Variants in JAM2 observed in about 807,000 individuals in gnomAD.
JAM2 encodes the protein junctional adhesion molecule B.
JAM2 carries 17 observed loss-of-function variants against 42.0 expected under a neutral mutation model. That is an observed-to-expected ratio of 0.40 (90% CI 0.28 to 0.61). The LOEUF is 0.61. Among genes scored for constraint, JAM2 ranks in the 20% least tolerant of loss-of-function variants. JAM2 has a pLI of 0.37. For synonymous variants in JAM2, 118 were observed against 128.6 expected, an observed-to-expected ratio of 0.92 and a Z score of 0.56; for missense variants, 319 against 358.3, an observed-to-expected ratio of 0.89 and a Z score of 0.89.
At chr21:25,643,303 G>A (rs2032499975) in intron 1 of JAM2, among the ~76,000 whole-genome samples, 2 of 152,300 alleles carry the variant, frequency 1.3e-5, no homozygotes, top group East Asian at 1.9e-4. Flanking sequence ...CGTGTTTGGT[G>A]GGGTGTTGTC....
chr21:25,693,987 C>T, intron 4 of JAM2, 79 bp downstream of exon 4: 1 of 1,355,266 alleles, frequency 7.4e-7, no homozygotes, highest in Non-Finnish European at 1.0e-6. Context: ...AAGCACTGGT[C>T]CATAAACATG....
chr21:25,690,211 G>A (rs532896441), intron 3 of JAM2, among the ~76,000 whole-genome samples: 41 of 152,336 alleles, frequency 2.7e-4, no homozygotes, highest in Admixed American at 1.1e-3. Flanking sequence ...CATAAAGTAT[G>A]CAAAATGCAA....
intron 1 of JAM2, among the ~76,000 whole-genome samples, chr21:25,650,842 G>A (rs1240095537): frequency 1.3e-5 from 2 of 151,952 alleles, no homozygotes; most frequent in African/African-American, 4.8e-5. Context: ...CGGAAATTAT[G>A]CCAACTTCAT....
chr21:25,651,114 G>C (rs1325863526), intron 1 of JAM2, among the ~76,000 whole-genome samples: 1 of 145,750 alleles, frequency 6.9e-6, no homozygotes, highest in East Asian at 2.0e-4. Flanking sequence ...CTGTAAACTG[G>C]ACTATAAATC....
Position 25,705,234 on chromosome 21 carries a change from C to G in JAM2, c.698-745C>G, listed in dbSNP as rs1470844656. On this transcript the variant is annotated intron_variant, in intron 6 of 9. Transcript: ENST00000480456. ...ACTTAGTTTTACAGAATAACAATGA[C>G]ATGTGCTTTTTTTTAAGAGACAGTC... Among the ~76,000 whole-genome samples, 4 of 151,924 alleles carry G rather than the reference C, an allele frequency of 2.6e-5. No homozygotes were observed. In the East Asian group the frequency reaches 5.8e-4, roughly 22 times the overall value.
chr21:25,655,647 ATTTTTTTTTT>A (rs536746237), intron 1 of JAM2, among the ~76,000 whole-genome samples: 1 of 90,784 alleles, frequency 1.1e-5, no homozygotes, highest in East Asian at 3.7e-4. Context: ...CGCCCAGCTA[ATTTTTTTTTT>A]TTTTTTTTTT....
intron 1 of JAM2, among the ~76,000 whole-genome samples, chr21:25,668,865 G>A (rs1052678524): frequency 1.6e-4 from 25 of 152,290 alleles, no homozygotes; most frequent in African/African-American, 4.6e-4. Context: ...TGTCCTGGAC[G>A]TTAAGTGTAG....
chr21:25,639,921 C>G, intron 1 of JAM2, 33 bp downstream of exon 1: 1 of 1,462,950 alleles, frequency 6.8e-7, no homozygotes, highest in Non-Finnish European at 9.4e-7. Context: ...CCCTTCCTGC[C>G]TGGACCAGCC....
At chr21:25,680,137 G>T (rs1476640449) in intron 1 of JAM2, among the ~76,000 whole-genome samples, 1 of 152,142 alleles carries the variant, frequency 6.6e-6, no homozygotes, top group African/African-American at 2.4e-5. Flanking sequence ...TGTCCTCTAA[G>T]TTACTTCCTT....
chr21:25,711,625 T>C (rs1237475668), intron 8 of JAM2: 3 of 313,786 alleles, frequency 9.6e-6, no homozygotes, highest in Non-Finnish European at 1.9e-5. Flanking sequence ...TTAGCAGTAA[T>C]AAAGCCAGTG....
chr21:25,661,494 A>ATT (rs1189453261), intron 1 of JAM2, among the ~76,000 whole-genome samples: 3 of 152,170 alleles, frequency 2.0e-5, no homozygotes, highest in Non-Finnish European at 4.4e-5. Context: ...AAATAAGTGT[A>ATT]GACTTCATTG....
chr21:25,678,789 C>T lies in JAM2; in HGVS notation c.68-5094C>T, dbSNP rs192181008. Among the ~76,000 whole-genome samples, 63 of 152,248 alleles carry T rather than the reference C, an allele frequency of 4.1e-4. No individual in the cohort carries two copies. The East Asian group carries it at 9.1e-3, about 22-fold the overall frequency. On this transcript the variant is annotated intron_variant, in intron 1 of 9. Transcript: ENST00000480456. ...ATACTAGAAATCTAGTAATTTGTGT[C>T]CCACAGACTTTTGCAAATTAAAAAA...
intron 1 of JAM2, among the ~76,000 whole-genome samples, chr21:25,640,337 T>C (rs1461475493): frequency 1.3e-5 from 2 of 152,220 alleles, no homozygotes; most frequent in Non-Finnish European, 2.9e-5. Context: ...GTCTGGGCTC[T>C]GTAGCGTCCC....
intron 6 of JAM2, among the ~76,000 whole-genome samples, chr21:25,703,651 A>G (rs572109551): frequency 1.3e-5 from 2 of 152,120 alleles, no homozygotes; most frequent in Admixed American, 1.3e-4. Context: ...TTGGTTGTTT[A>G]TGGCTGCCTC....
intron 9 of JAM2, chr21:25,714,375 G>C: frequency 2.2e-6 from 1 of 453,842 alleles, no homozygotes. Flanking sequence ...ATGGTGGCAT[G>C]TGCCTGCAGT....
chr21:25,695,553 C>T (rs1309254641), intron 4 of JAM2, among the ~76,000 whole-genome samples: 1 of 146,474 alleles, frequency 6.8e-6, no homozygotes, highest in African/African-American at 2.6e-5. Flanking sequence ...ACAGGGCGGC[C>T]GGGCAGAGGG....
In JAM2 at chr21:25,639,974, G is replaced by A. The variant is rs1490151063; in HGVS notation, c.67+86G>A. ...CCCCCACGGGGCGCTGGCTGACAGT[G>A]TCTGGGCGGCTCTGGGCCGAGGTCG... On this transcript the variant is annotated intron_variant, in intron 1 of 9. Transcript: ENST00000480456. The A allele has an allele frequency of 9.9e-6, 10 of 1,013,982 alleles. No individual in the cohort carries two copies. The South Asian group carries it at 1.6e-4, about 16-fold the overall frequency. 62.8% of individuals were successfully genotyped at this position (1,013,982 alleles called of 1,614,324 possible).
chr21:25,695,605 C>A (rs1055303899), intron 4 of JAM2, among the ~76,000 whole-genome samples: 11 of 149,254 alleles, frequency 7.4e-5, no homozygotes, highest in Non-Finnish European at 1.0e-4. Context: ...GGCAGAGGCG[C>A]CCCCCCACCT....
chr21:25,666,511 G>A (rs1276833074), intron 1 of JAM2, among the ~76,000 whole-genome samples: 1 of 151,926 alleles, frequency 6.6e-6, no homozygotes, highest in Non-Finnish European at 1.5e-5. Flanking sequence ...TTTTAGTAGA[G>A]ACAGGGTTTC....
Sources: allele counts gnomAD v4.1 joint callset (sites outside exome capture counted in the v4.1 genomes callset), GRCh38; gene constraint gnomAD v4.1.1; transcripts MANE v1.5; gene names NCBI Gene and HGNC (gene_info 2026-07-23, HGNC 2026-07-21).